Variants in TBPL2 observed in about 807,000 individuals in gnomAD.
TBPL2 encodes TATA-box binding protein like 2.
In TBPL2, 40 loss-of-function variants were observed where a neutral mutation model predicts 38.2. That is an observed-to-expected ratio of 1.05 (90% CI 0.81 to 1.36). The LOEUF (loss-of-function observed/expected upper bound fraction) is 1.36. TBPL2 is among the 40% of genes most tolerant of loss of function. The pLI, the probability that TBPL2 is intolerant of heterozygous loss-of-function variation, is 0.00. For missense variants in TBPL2, 461 were observed against 456.7 expected (o/e 1.01, Z -0.09); for synonymous variants, 169 against 171.7 (o/e 0.98, Z 0.12).
intron 5 of TBPL2, 52 bp downstream of exon 5, chr14:55,428,755 G>T: frequency 6.5e-7 from 1 of 1,535,444 alleles, no homozygotes. Flanking sequence ...AACCCATAAT[G>T]TAACTTAAAT....
At chr14:55,426,722 A>AG (rs1351786288) in intron 5 of TBPL2, among the ~76,000 whole-genome samples, 4 of 150,554 alleles carry the variant, frequency 2.7e-5, no homozygotes, top group Non-Finnish European at 5.9e-5. Flanking sequence ...TTAAAAAAAA[A>AG]AAAAGAAAAG....
intron 1 of TBPL2, among the ~76,000 whole-genome samples, chr14:55,440,018 TG>T (rs1886085063): frequency 6.6e-6 from 1 of 151,248 alleles, no homozygotes; most frequent in East Asian, 1.9e-4. Context: ...GAGAATCGCT[TG>T]AACCCAGGAG....
exon 1 of TBPL2, chr14:55,440,549 T>G (rs1373371696): frequency 6.3e-7 from 1 of 1,596,682 alleles, no homozygotes. Flanking sequence ...AGGCCATTTA[T>G]GAGCCTGGGG....
Position 55,429,797 on chromosome 14 carries a change from A to G in TBPL2, c.789-823T>C, listed in dbSNP as rs575510869. ...AAAAAAAAAAAAAAAAAAGAAAACA[A>G]CAAGAAAAAATAAGGACACATGCAT... On this transcript the variant is annotated intron_variant, in intron 4 of 6. Coordinates refer to ENST00000247219, the Ensembl canonical transcript of TBPL2. Among the ~76,000 whole-genome samples the G allele has an allele frequency of 5.3e-5, 8 of 151,042 alleles. No individual in the cohort carries two copies. In the South Asian group the frequency reaches 1.0e-3, roughly 20 times the overall value.
intron 5 of TBPL2, among the ~76,000 whole-genome samples, chr14:55,426,925 G>A (rs1423846339): frequency 6.7e-6 from 1 of 150,176 alleles, no homozygotes; most frequent in Non-Finnish European, 1.5e-5. Context: ...AGAAATGAAT[G>A]GACACTTGGG....
intron 1 of TBPL2, among the ~76,000 whole-genome samples, chr14:55,437,721 T>C (rs1886039287): frequency 6.6e-6 from 1 of 152,222 alleles, no homozygotes; most frequent in African/African-American, 2.4e-5. Context: ...TAGTTGACTT[T>C]ACTTTGAAAT....
At chr14:55,437,251 C>T (rs1385198807) in intron 1 of TBPL2, among the ~76,000 whole-genome samples, 1 of 152,196 alleles carries the variant, frequency 6.6e-6, no homozygotes, top group Non-Finnish European at 1.5e-5. Flanking sequence ...CTGAGGCAGG[C>T]GGATGGCTGG....
At chr14:55,418,392 C>T (rs1885697643) in intron 6 of TBPL2, among the ~76,000 whole-genome samples, 1 of 152,230 alleles carries the variant, frequency 6.6e-6, no homozygotes, top group African/African-American at 2.4e-5. Context: ...CAGTTCTGTT[C>T]TTACATCAAG....
intron 1 of TBPL2, among the ~76,000 whole-genome samples, chr14:55,439,609 A>G (rs1886073609): frequency 1.8e-5 from 1 of 56,100 alleles, no homozygotes; most frequent in Non-Finnish European, 3.2e-5. Context: ...TGGGGAGAAA[A>G]GCAAACCCCC....
chr14:55,420,064 T>G (rs1446768362), intron 6 of TBPL2, among the ~76,000 whole-genome samples: 1 of 151,990 alleles, frequency 6.6e-6, no homozygotes, highest in Admixed American at 6.6e-5. Context: ...GCCCTTAAGG[T>G]TTTTTTTGTT....
chr14:55,418,212 G>C (rs1158625262), intron 6 of TBPL2, among the ~76,000 whole-genome samples: 1 of 152,250 alleles, frequency 6.6e-6, no homozygotes, highest in Admixed American at 6.5e-5. Flanking sequence ...ATTCCTGCCA[G>C]ATGGGGAGTA....
At chr14:55,424,432 G>A (rs1885790059) in intron 5 of TBPL2, among the ~76,000 whole-genome samples, 179 bp from the exon 6 acceptor site, 1 of 152,128 alleles carries the variant, frequency 6.6e-6, no homozygotes, top group Non-Finnish European at 1.5e-5. Flanking sequence ...AATATCTTAT[G>A]GAAGTTAGGA....
chr14:55,425,887 C>T (rs983390979), intron 5 of TBPL2, among the ~76,000 whole-genome samples: 7 of 152,154 alleles, frequency 4.6e-5, no homozygotes, highest in Admixed American at 1.3e-4. Flanking sequence ...TATTGCTTGC[C>T]ATTATCATCC....
exon 5 of TBPL2, chr14:55,428,950 T>C (rs748138034): frequency 1.3e-5 from 21 of 1,614,148 alleles, no homozygotes; most frequent in Non-Finnish European, 1.8e-5. Context: ...CATATTTTCT[T>C]GCTGCAAGTC....
rs1211703459 is a variant in TBPL2 at position 55,436,751 on chromosome 14, G to A, written c.418C>T (p.Gln140Ter). The A allele has an allele frequency of 6.2e-7, 1 of 1,614,202 alleles. No individual in the cohort carries two copies. The highest frequency in any genetic ancestry group is 8.5e-7 in the Non-Finnish European group (1 of 1,180,038). The change falls in exon 2 of 7, where the codon CAG (glutamine) becomes TAG (stop). Residue 140 changes from glutamine to a stop codon, truncating the protein, a stop_gained. Coordinates refer to ENST00000247219, the Ensembl canonical transcript of TBPL2. LOFTEE classifies it high-confidence loss of function. ...CTGTTTAAGCCCAGCCCAACGTCCTGTTCGCTGGGTGATGGCAACCTACTT... is the reference window on the plus strand; with the variant it reads ...CTGTTTAAGCCCAGCCCAACGTCCTATTCGCTGGGTGATGGCAACCTACTT...
rs567342581 is a variant in TBPL2, at chr14:55,428,119, C to CTTTTTTTTTTTTTTTTTTTTT, written c.956+667_956+687dup. ...GCCTAGTCCATTTCACATGCCTTAT[C>CTTTTTTTTTTTTTTTTTTTTT]TTTTTTTTTTTTTTTTTTTTTTTTT... On this transcript the variant is annotated intron_variant, in intron 5 of 6. Coordinates refer to ENST00000247219, the Ensembl canonical transcript of TBPL2. Among the ~76,000 whole-genome samples the CTTTTTTTTTTTTTTTTTTTTT allele has an allele frequency of 1.8e-4, 8 of 43,360 alleles. 4 individuals carry two copies. The highest frequency in any genetic ancestry group is 3.0e-4 in the Non-Finnish European group (8 of 26,282). 28.4% of individuals were successfully genotyped at this position (43,360 alleles called of 152,430 possible).
At chr14:55,416,663 T>C (rs940609476) in intron 6 of TBPL2, among the ~76,000 whole-genome samples, 1 of 152,170 alleles carries the variant, frequency 6.6e-6, no homozygotes, top group Non-Finnish European at 1.5e-5. Flanking sequence ...CCAAACTCTT[T>C]AGAAACTAAA....
intron 6 of TBPL2, among the ~76,000 whole-genome samples, chr14:55,415,148 T>C (rs923290542): frequency 6.6e-6 from 1 of 152,228 alleles, no homozygotes; most frequent in African/African-American, 2.4e-5. Context: ...GCAGGCACGT[T>C]GTGCTAAGGG....
chr14:55,426,863 G>A lies in TBPL2; in HGVS notation c.956+1944C>T, dbSNP rs995996657. Among the ~76,000 whole-genome samples, 17 of 152,308 alleles carry A rather than the reference G, an allele frequency of 1.1e-4. No individual in the cohort carries two copies. In the South Asian group the frequency reaches 2.3e-3, roughly 20 times the overall value. ...TCCAGAAGCTGGTAGTAATAACAAG[G>A]GGCACCTATTCTAGACTTAGATCTG... On this transcript the variant is annotated intron_variant, in intron 5 of 6. Coordinates refer to ENST00000247219, the Ensembl canonical transcript of TBPL2.
Sources: allele counts gnomAD v4.1 joint callset (sites outside exome capture counted in the v4.1 genomes callset), GRCh38; gene constraint gnomAD v4.1.1; transcripts MANE v1.5; gene names NCBI Gene and HGNC (gene_info 2026-07-23, HGNC 2026-07-21).